Variants in EPHA5 observed in about 807,000 individuals in gnomAD.
EPHA5 encodes EPH receptor A5.
EPHA5 carries 60 observed loss-of-function variants against 105.0 expected under a neutral mutation model. The observed-to-expected ratio is 0.57, with a 90% CI of 0.46 to 0.71. The LOEUF (loss-of-function observed/expected upper bound fraction) is 0.71. EPHA5 is among the 30% of genes least tolerant of loss of function. The pLI is 0.00. For synonymous variants in EPHA5, 513 were observed against 449.1 expected, an observed-to-expected ratio of 1.14 and a Z score of -1.80; for missense variants, 1,218 against 1,274.7, an observed-to-expected ratio of 0.96 and a Z score of 0.68.
chr4:65,360,257 C>A (rs895983103), intron 11 of EPHA5, among the ~76,000 whole-genome samples: 3 of 151,666 alleles, frequency 2.0e-5, no homozygotes, highest in African/African-American at 7.3e-5. Flanking sequence ...AAGGTAAACT[C>A]TATAAAGGCA....
intron 3 of EPHA5, among the ~76,000 whole-genome samples, chr4:65,557,789 T>A (rs776327957): frequency 7.9e-5 from 12 of 152,050 alleles, no homozygotes; most frequent in Non-Finnish European, 1.5e-4. Flanking sequence ...GCTAGTGTAA[T>A]GTGAGTTCAA....
At chr4:65,466,358 G>A (rs1728715910) in intron 5 of EPHA5, among the ~76,000 whole-genome samples, 1 of 152,222 alleles carries the variant, frequency 6.6e-6, no homozygotes, top group Admixed American at 6.5e-5. Context: ...ACCTGGTAAA[G>A]TGAGTGAGTG....
At chr4:65,425,940 G>A (rs933847046) in intron 5 of EPHA5, among the ~76,000 whole-genome samples, 3 of 152,114 alleles carry the variant, frequency 2.0e-5, no homozygotes, top group African/African-American at 7.2e-5. Flanking sequence ...GTTCATTGTT[G>A]CTTGCTTAGT....
chr4:65,480,552 T>C (rs538270380), intron 5 of EPHA5, among the ~76,000 whole-genome samples: 1 of 152,250 alleles, frequency 6.6e-6, no homozygotes, highest in African/African-American at 2.4e-5. Flanking sequence ...AACATGAAGA[T>C]GTTGCTGGTA....
intron 3 of EPHA5, among the ~76,000 whole-genome samples, chr4:65,525,235 T>C (rs915417049): frequency 3.3e-5 from 5 of 151,694 alleles, no homozygotes; most frequent in Non-Finnish European, 7.4e-5. Context: ...TGGCAGGAAA[T>C]ACTATAATTT....
intron 8 of EPHA5, among the ~76,000 whole-genome samples, chr4:65,377,342 G>A (rs1719112574): frequency 6.6e-6 from 1 of 151,936 alleles, no homozygotes; most frequent in African/African-American, 2.4e-5. Context: ...TTAATTGTAT[G>A]CAATTCATAT....
chr4:65,554,222 T>C (rs533910537), intron 3 of EPHA5, among the ~76,000 whole-genome samples: 3 of 149,436 alleles, frequency 2.0e-5, no homozygotes, highest in Non-Finnish European at 3.0e-5. Flanking sequence ...TGAAAGCTTA[T>C]ATATAAAACA....
intron 7 of EPHA5, among the ~76,000 whole-genome samples, chr4:65,405,716 A>C (rs1722291168): frequency 6.6e-6 from 1 of 152,136 alleles, no homozygotes; most frequent in African/African-American, 2.4e-5. Context: ...TATATACAAT[A>C]GTATTACCCT....
At chr4:65,571,228 AT>A (rs1341823480) in intron 3 of EPHA5, among the ~76,000 whole-genome samples, 2 of 152,046 alleles carry the variant, frequency 1.3e-5, no homozygotes, top group African/African-American at 4.8e-5. Flanking sequence ...GGGAGACTAT[AT>A]CTTAAATTTA....
At chr4:65,552,894 T>C (rs1398090775) in intron 3 of EPHA5, among the ~76,000 whole-genome samples, 83 of 152,236 alleles carry the variant, frequency 5.5e-4, no homozygotes, top group Non-Finnish European at 1.3e-4. Context: ...GACATCAATA[T>C]AGATACATTT....
At chr4:65,340,854 C>G (rs1484726941) in intron 14 of EPHA5, among the ~76,000 whole-genome samples, 1 of 152,090 alleles carries the variant, frequency 6.6e-6, no homozygotes, top group Non-Finnish European at 1.5e-5. Context: ...CTGTAAAGCC[C>G]TTCATCACAT....
intron 5 of EPHA5, among the ~76,000 whole-genome samples, chr4:65,477,876 A>C (rs1170821551): frequency 6.6e-6 from 1 of 152,134 alleles, no homozygotes; most frequent in East Asian, 1.9e-4. Flanking sequence ...ATCACTATAG[A>C]TAGAAGGGAG....
At chr4:65,551,575 A>T (rs1263986036) in intron 3 of EPHA5, among the ~76,000 whole-genome samples, 1 of 152,096 alleles carries the variant, frequency 6.6e-6, no homozygotes, top group Non-Finnish European at 1.5e-5. Flanking sequence ...TTAGCCACTG[A>T]ATGTGTGCAT....
chr4:65,525,160 TTATTAAC>T (rs1168231465), intron 3 of EPHA5, among the ~76,000 whole-genome samples: 1 of 151,726 alleles, frequency 6.6e-6, no homozygotes, highest in South Asian at 2.1e-4. Flanking sequence ...TACTGAAAGA[TTATTAAC>T]TATTAACTAG....
chr4:65,512,287 G>T (rs1052032385), intron 3 of EPHA5, among the ~76,000 whole-genome samples: 5 of 152,078 alleles, frequency 3.3e-5, no homozygotes, highest in African/African-American at 4.8e-5. Context: ...ATTGCTAGTG[G>T]TCGGTGAGAG....
Position 65,351,464 on chromosome 4 carries a change from G to A in EPHA5, c.2370C>T (p.Asn790=), listed in dbSNP as rs774897926. 1.9e-6 allele frequency: 3 copies of A among 1,613,758 alleles called. No individual in the cohort carries two copies. The highest frequency in any genetic ancestry group is 2.5e-6 in the Non-Finnish European group (3 of 1,179,822). The change falls in exon 13 of 17, where the codon AAC becomes AAT. Residue 790 remains asparagine, a synonymous_variant. Transcript: ENST00000613740. ...CAAAGTCAGACACTTTGCACACAAGGTTACTGTTGATTAAGATGTTTCTGG... is the reference window on the plus strand; with the variant it reads ...CAAAGTCAGACACTTTGCACACAAGATTACTGTTGATTAAGATGTTTCTGG... ...LAARNILINS[N]LVCKVSDFGL...
At chr4:65,463,699 A>G (rs1728336893) in intron 5 of EPHA5, among the ~76,000 whole-genome samples, 1 of 152,110 alleles carries the variant, frequency 6.6e-6, no homozygotes, top group South Asian at 2.1e-4. Flanking sequence ...AATATTGTCT[A>G]CAAGGTGAGT....
intron 4 of EPHA5, among the ~76,000 whole-genome samples, chr4:65,494,617 T>C (rs1731734072): frequency 6.6e-6 from 1 of 152,184 alleles, no homozygotes; most frequent in Non-Finnish European, 1.5e-5. Flanking sequence ...ACTAAAAATG[T>C]TGAAAGATGT....
intron 8 of EPHA5, among the ~76,000 whole-genome samples, chr4:65,399,915 T>A (rs1721646864): frequency 6.6e-6 from 1 of 152,216 alleles, no homozygotes; most frequent in Non-Finnish European, 1.5e-5. Flanking sequence ...TTCCTTTGTA[T>A]GTCTATACCA....
Sources: allele counts gnomAD v4.1 joint callset (sites outside exome capture counted in the v4.1 genomes callset), GRCh38; gene constraint gnomAD v4.1.1; transcripts MANE v1.5; gene names NCBI Gene and HGNC (gene_info 2026-07-23, HGNC 2026-07-21).